Variants in ULK2 observed in about 807,000 individuals in gnomAD.
The protein encoded by ULK2 is serine/threonine-protein kinase ULK2.
In ULK2, 76 loss-of-function variants were observed where a neutral mutation model predicts 127.5. That is an observed-to-expected ratio of 0.60 (90% CI 0.50 to 0.72). ULK2 has a LOEUF of 0.72. Ranked by LOEUF, ULK2 falls within the 30% of genes least tolerant of loss-of-function variation. The pLI is 0.00. For synonymous variants in ULK2, 452 were observed against 461.9 expected, an observed-to-expected ratio of 0.98 and a Z score of 0.28; for missense variants, 1,144 against 1,295.9, an observed-to-expected ratio of 0.88 and a Z score of 1.80.
In ULK2 at chr17:19,825,090, T is replaced by G. The variant is rs1458544990; in HGVS notation, c.924+4A>C. On this transcript the variant is annotated splice_donor_region_variant and intron_variant, in intron 12 of 26. Coordinates refer to ENST00000395544, the MANE Select transcript of ULK2 (RefSeq NM_014683.4). ...GAAATTATTTTTAATAAACTGTAAC[T>G]TACTGGTGGAGAAGCAAAACGACAA... The G allele has an allele frequency of 6.2e-7, 1 of 1,613,682 alleles. No homozygotes were observed. The highest frequency in any genetic ancestry group is 1.7e-5 in the Admixed American group (1 of 59,974).
At chr17:19,804,599 C>G in intron 15 of ULK2, 94 bp downstream of exon 15, 1 of 1,381,330 alleles carries the variant, frequency 7.2e-7, no homozygotes. Flanking sequence ...ATGTAAGACA[C>G]TATGCCACAG....
At chr17:19,864,717 T>C (rs988430947) in intron 3 of ULK2, 86 bp downstream of exon 3, 5 of 497,010 alleles carry the variant, frequency 1.0e-5, no homozygotes, top group African/African-American at 7.9e-5. Context: ...ATTAAGGTCA[T>C]TTTTATTTCT....
At chr17:19,814,456 T>TTTTTTTTTTTTTG (rs1555557161) in intron 13 of ULK2, among the ~76,000 whole-genome samples, 8 of 18,262 alleles carry the variant, frequency 4.4e-4, no homozygotes, top group Non-Finnish European at 7.7e-4. Flanking sequence ...TTTTTTTTTT[T>TTTTTTTTTTTTTG]TTTTTTTGGA....
chr17:19,798,978 T>C (rs906450276), intron 17 of ULK2, among the ~76,000 whole-genome samples: 1 of 151,334 alleles, frequency 6.6e-6, no homozygotes, highest in Non-Finnish European at 1.5e-5. Flanking sequence ...CTGGCCAATA[T>C]GGTGAAACCC....
At chr17:19,804,638 A>G in intron 15 of ULK2, 55 bp downstream of exon 15, 1 of 1,527,450 alleles carries the variant, frequency 6.5e-7, no homozygotes, top group Non-Finnish European at 8.8e-7. Context: ...ATATCAATAA[A>G]TTTTTTTTAA....
At chr17:19,846,256 A>T (rs1392378796) in intron 6 of ULK2, among the ~76,000 whole-genome samples, 1 of 152,174 alleles carries the variant, frequency 6.6e-6, no homozygotes, top group Non-Finnish European at 1.5e-5. Context: ...GCACTGCCTG[A>T]GACTTGGCAG....
intron 10 of ULK2, among the ~76,000 whole-genome samples, chr17:19,828,552 T>C (rs1042032873): frequency 1.3e-5 from 2 of 152,170 alleles, no homozygotes; most frequent in East Asian, 1.9e-4. Context: ...AGATGTTATA[T>C]GTAATCCGCA....
chr17:19,855,634 A>G (rs1310644008), intron 3 of ULK2: 1 of 151,266 alleles, frequency 6.6e-6, no homozygotes, highest in Non-Finnish European at 1.5e-5. Flanking sequence ...AAAAAAGTCT[A>G]AAGTAAGACC....
At position 19,773,875 on chromosome 17, in the gene ULK2, G is replaced by T. The variant is rs114421232; in HGVS notation, c.*2474C>A. 1.1e-4 allele frequency: 17 copies of T among 152,364 alleles called. No individual in the cohort carries two copies. The highest frequency in any genetic ancestry group is 3.8e-4 in the African/African-American group (16 of 41,580). The allele number at this position is 152,364 out of a possible 1,614,324, so 9.4% of individuals were successfully genotyped here. A position where few individuals can be genotyped will look rare whatever the true frequency, so the allele number is the denominator to read the frequency against. ...CGACCCTAACAGTCCCCTCCTCCCG[G>T]CTCCTATTCACCACTCCAGCGAGGG... On this transcript the variant is annotated 3_prime_UTR_variant, in exon 27 of 27. Coordinates refer to ENST00000395544, the MANE Select transcript of ULK2 (RefSeq NM_014683.4).
intron 6 of ULK2, among the ~76,000 whole-genome samples, chr17:19,846,122 T>C (rs1453976444): frequency 1.3e-5 from 2 of 152,018 alleles, no homozygotes; most frequent in Non-Finnish European, 2.9e-5. Flanking sequence ...CGAGACTCCA[T>C]CTCAGACAAA....
intron 6 of ULK2, among the ~76,000 whole-genome samples, chr17:19,846,122 T>G (rs1453976444): frequency 6.6e-6 from 1 of 152,018 alleles, no homozygotes; most frequent in Non-Finnish European, 1.5e-5. Flanking sequence ...CGAGACTCCA[T>G]CTCAGACAAA....
chr17:19,840,118 T>C (rs1231731083), intron 9 of ULK2: 1 of 376,708 alleles, frequency 2.7e-6, no homozygotes. Flanking sequence ...GAGCTCTGGG[T>C]CACCAAGATG....
intron 12 of ULK2, among the ~76,000 whole-genome samples, chr17:19,822,654 C>A (rs2041181649): frequency 1.3e-5 from 2 of 151,818 alleles, no homozygotes; most frequent in South Asian, 4.2e-4. Context: ...AGGCATGAAC[C>A]ACCACACCCG....
intron 3 of ULK2, among the ~76,000 whole-genome samples, chr17:19,853,401 G>A (rs894505258): frequency 1.4e-4 from 22 of 151,984 alleles, no homozygotes; most frequent in African/African-American, 5.3e-4. Context: ...CCCTTCCAAA[G>A]TGCTGGGATT....
At chr17:19,848,442 T>C (rs1377682512) in intron 5 of ULK2, 1 of 152,234 alleles carries the variant, frequency 6.6e-6, no homozygotes, top group Admixed American at 6.5e-5. Flanking sequence ...AAGTTTTACA[T>C]GTCCTTAACA....
rs570897358 is a variant in ULK2 at position 19,801,658 on chromosome 17, C to T, written c.1441+119G>A. The T allele has an allele frequency of 1.5e-5, 20 of 1,334,968 alleles. No homozygotes were observed. The African/African-American group carries it at 2.5e-4, about 17-fold the overall frequency. The allele number at this position is 1,334,968 out of a possible 1,614,324, so 82.7% of individuals were successfully genotyped here. The stretch of plus-strand genomic sequence containing the variant: ...GTAAAGATGGAGGGACGGGGTATGG[C>T]CTCCAATCAGCTGAGAATCACTGCC... On this transcript the variant is annotated intron_variant, in intron 16 of 26. Transcript: ENST00000395544.
chr17:19,790,609 C>A (rs2087131647), intron 20 of ULK2, among the ~76,000 whole-genome samples: 1 of 151,736 alleles, frequency 6.6e-6, no homozygotes, highest in African/African-American at 2.4e-5. Context: ...AAAAAGAAGA[C>A]CAGAAAACAA....
chr17:19,794,868 G>A (rs145191698), intron 20 of ULK2, among the ~76,000 whole-genome samples: 361 of 152,216 alleles, frequency 2.4e-3, no homozygotes, highest in African/African-American at 8.4e-3. Flanking sequence ...CACGAGGTCA[G>A]GAGATCGAGA....
intron 15 of ULK2, 121 bp downstream of exon 15, chr17:19,804,572 G>A (rs77217208): frequency 2.5e-4 from 252 of 1,023,386 alleles, no homozygotes; most frequent in South Asian, 8.7e-4. Context: ...AATTTTGTGC[G>A]TTCCCATTAT....
Sources: allele counts gnomAD v4.1 joint callset (sites outside exome capture counted in the v4.1 genomes callset), GRCh38; gene constraint gnomAD v4.1.1; transcripts MANE v1.5; gene names NCBI Gene and HGNC (gene_info 2026-07-23, HGNC 2026-07-21).